The following TELO2 variants were observed in gnomAD, a reference collection of about 807,000 sequenced individuals.
TELO2 encodes the protein telomere maintenance 2.
A neutral mutation model predicts 91.0 loss-of-function variants in TELO2; 71 were observed. That is an observed-to-expected ratio of 0.78 (90% confidence interval 0.64 to 0.95). The LOEUF (loss-of-function observed/expected upper bound fraction) is 0.95. Ranked by LOEUF, TELO2 falls within the 40% of genes least tolerant of loss-of-function variation. The pLI is 0.00. For missense variants in TELO2, 1,183 were observed against 1,141.3 expected (o/e 1.04, Z -0.53); for synonymous variants, 584 against 518.9 (o/e 1.13, Z -1.71).
chr16:1,495,798 G>C (rs1005910892), intron 3 of TELO2, among the ~76,000 whole-genome samples, 175 bp downstream of exon 3: 1 of 152,242 alleles, frequency 6.6e-6, no homozygotes, highest in Non-Finnish European at 1.5e-5. Flanking sequence ...CATCCGCTGT[G>C]GGCTGAAGTC....
intron 15 of TELO2, among the ~76,000 whole-genome samples, chr16:1,503,244 C>A (rs1037033567): frequency 6.6e-6 from 1 of 152,162 alleles, no homozygotes; most frequent in East Asian, 1.9e-4. Context: ...TAAAATTCAC[C>A]GCTTTAGGGT....
rs956689558 is a variant in TELO2, at chr16:1,494,900, C to T, written c.335+284C>T. On this transcript the variant is annotated intron_variant, in intron 2 of 20. Transcript: ENST00000262319. This position sits in a 1 kb window ranked among gnomAD's most constrained non-coding sequence, Gnocchi z 5.6. ...CCAGGCGGCAGAGGCAGCCCGTCAG[C>T]TGGGGACGTTCCAGGTTTTCCAGGG... 1.3e-5 allele frequency among the ~76,000 whole-genome samples: 2 copies of T among 152,222 alleles called. No homozygotes were observed. The highest frequency in any genetic ancestry group is 2.4e-5 in the African/African-American group (1 of 41,462).
At chr16:1,506,191 G>T (rs762812176) in intron 16 of TELO2, 47 bp from the exon 17 acceptor site, 4 of 1,600,742 alleles carry the variant, frequency 2.5e-6, no homozygotes, top group Non-Finnish European at 1.7e-6. Flanking sequence ...TGCCGTGCCC[G>T]CTGCCCAAGC....
chr16:1,502,454 C>G (rs1596262588), intron 13 of TELO2, 50 bp downstream of exon 13: 1 of 1,551,228 alleles, frequency 6.4e-7, no homozygotes, highest in Non-Finnish European at 8.7e-7. Flanking sequence ...GTAGCTCCCT[C>G]AATGCCATCT....
At chr16:1,502,169 T>C (rs949543983) in intron 12 of TELO2, 34 bp downstream of exon 12, 1 of 1,610,630 alleles carries the variant, frequency 6.2e-7, no homozygotes, top group Non-Finnish European at 8.5e-7. Context: ...CTTGCTGGGC[T>C]GGGCATGGGT....
intron 2 of TELO2, 42 bp from the exon 3 acceptor site, chr16:1,495,304 G>A (rs2039438708): frequency 1.3e-6 from 2 of 1,500,966 alleles, no homozygotes; most frequent in South Asian, 1.3e-5. Flanking sequence ...GGGCCCCGAG[G>A]ATGGGGGTTG....
chr16:1,493,514 C>T lies in TELO2; in HGVS notation c.-128C>T, dbSNP rs950029950. ...CGGCTGGGCCGCGATCGCGTTTCGT[C>T]CGGGGCCGCGGCGGCCGTGGGGAAT... On this transcript the variant is annotated 5_prime_UTR_variant, in exon 1 of 21. Transcript: ENST00000262319. This position sits in a 1 kb window ranked among gnomAD's most constrained non-coding sequence, Gnocchi z 4.3. The T allele has an allele frequency of 2.0e-5, 3 of 152,264 alleles. No individual in the cohort carries two copies. The highest frequency in any genetic ancestry group is 7.2e-5 in the African/African-American group (3 of 41,464). 9.4% of individuals were successfully genotyped at this position (152,264 alleles called of 1,614,324 possible). A position where few individuals can be genotyped will look rare whatever the true frequency, so the allele number is the denominator to read the frequency against.
At chr16:1,507,863 T>C in intron 20 of TELO2, 147 bp downstream of exon 20, 1 of 287,308 alleles carries the variant, frequency 3.5e-6, no homozygotes, top group Non-Finnish European at 5.6e-6. Context: ...TGTGTGTGTG[T>C]GTGTGTGTGT....
chr16:1,505,712 G>C lies in TELO2; in HGVS notation c.2034+111G>C. 7.6e-7 allele frequency: 1 copy of C among 1,315,728 alleles called. No individual in the cohort carries two copies. The highest frequency in any genetic ancestry group is 1.0e-6 in the Non-Finnish European group (1 of 975,390). The allele number at this position is 1,315,728 out of a possible 1,614,324, so 81.5% of individuals were successfully genotyped here. A position where few individuals can be genotyped will look rare whatever the true frequency, so the allele number is the denominator to read the frequency against. ...CAGCGAGGGGCGGCCACATTCGCTG[G>C]GGATGGTGCCTTTGCCGGGATTCCT... is the stretch of plus-strand genomic sequence containing the variant. On this transcript the variant is annotated intron_variant, in intron 16 of 20. Coordinates refer to ENST00000262319, the MANE Select transcript of TELO2 (RefSeq NM_016111.4). This position sits in a 1 kb window ranked among gnomAD's most constrained non-coding sequence, Gnocchi z 4.3.
In TELO2 at chr16:1,497,320, G is replaced by A; in HGVS notation, c.683-41G>A. On this transcript the variant is annotated intron_variant, in intron 4 of 20. Coordinates refer to ENST00000262319, the MANE Select transcript of TELO2 (RefSeq NM_016111.4). The surrounding 1 kb of genome is among the most constrained non-coding windows in gnomAD (Gnocchi z 4.0). ...CCACACAGCCCCAGACACCAGGTGG[G>A]TGCAGCTCCCCAGGCTCAGGTCCTC... The A allele has an allele frequency of 6.6e-7, 1 of 1,515,280 alleles. No homozygotes were observed. The highest frequency in any genetic ancestry group is 1.3e-5 in the South Asian group (1 of 79,208). The allele number at this position is 1,515,280 out of a possible 1,614,324, so 93.9% of individuals were successfully genotyped here.
At chr16:1,503,141 C>T (rs759008574) in intron 15 of TELO2, 139 bp downstream of exon 15, 21 of 931,080 alleles carry the variant, frequency 2.3e-5, no homozygotes, top group African/African-American at 8.1e-5. Context: ...GTGTGTGACC[C>T]GGCAGGACTC....
In TELO2 at chr16:1,509,965, C is replaced by T. The variant is rs746982341; in HGVS notation, c.*29C>T. 22 of 1,552,298 alleles carry T rather than the reference C, an allele frequency of 1.4e-5. No homozygotes were observed. Among genetic ancestry groups the T allele is most frequent in the African/African-American group, 8.2e-5 (6 of 73,240 alleles). ...CTGGAGGCCTCCCCAGGACCACCCT[C>T]GCCGACAGCAAGGCAGGCGGCTGAG... On this transcript the variant is annotated 3_prime_UTR_variant, in exon 21 of 21. Coordinates refer to ENST00000262319, the MANE Select transcript of TELO2 (RefSeq NM_016111.4).
intron 17 of TELO2, chr16:1,506,697 G>T: frequency 2.9e-6 from 4 of 1,384,272 alleles, no homozygotes; most frequent in Non-Finnish European, 2.8e-6. Flanking sequence ...AGAAGTGTGG[G>T]GCCTGGGTTG....
chr16:1,501,898 G>A (rs2039700184), intron 11 of TELO2, 125 bp downstream of exon 11: 17 of 1,433,330 alleles, frequency 1.2e-5, no homozygotes, highest in Non-Finnish European at 1.5e-5. Context: ...TCGTCCTCAT[G>A]TGAGGGCCCG....
At chr16:1,501,924 C>G (rs1389133281) in intron 11 of TELO2, 123 bp from the exon 12 acceptor site, 10 of 1,476,348 alleles carry the variant, frequency 6.8e-6, no homozygotes, top group Non-Finnish European at 9.4e-6. Context: ...CCCAGCTCCA[C>G]CGTAGGCGCA....
chr16:1,503,411 TGTG>T (rs2039776506), intron 15 of TELO2, among the ~76,000 whole-genome samples: 2 of 151,940 alleles, frequency 1.3e-5, no homozygotes, highest in African/African-American at 2.4e-5. Context: ...ATTAGCCAAG[TGTG>T]GTGGTGGGCG....
In TELO2 at chr16:1,497,392, G is replaced by A. The variant is rs769686624; in HGVS notation, c.714G>A (p.Leu238=). The change falls in exon 5 of 21, where the codon CTG becomes CTA. Residue 238 remains leucine, a synonymous_variant. Coordinates refer to ENST00000262319, the MANE Select transcript of TELO2 (RefSeq NM_016111.4). The surrounding 1 kb of genome is among the most constrained non-coding windows in gnomAD (Gnocchi z 4.0). ...TCCTGGGCGTGCTGGTACCCCGGCT[G>A]GCAGCGCTCACCCAGGGCAGCTACC... ...QEILGVLVPR[L]AALTQGSYLH... The A allele has an allele frequency of 6.5e-7, 1 of 1,550,306 alleles. No homozygotes were observed. The highest frequency in any genetic ancestry group is 8.7e-7 in the Non-Finnish European group (1 of 1,147,200).
At chr16:1,503,651 G>A (rs1039778766) in intron 15 of TELO2, among the ~76,000 whole-genome samples, 12 of 152,288 alleles carry the variant, frequency 7.9e-5, no homozygotes, top group South Asian at 2.1e-4. Context: ...TCACTTAAGC[G>A]AGCCGTCCGG....
rs1260166257 is a variant in TELO2, at chr16:1,501,323, C to T, written c.1282-97C>T. The T allele has an allele frequency of 5.3e-5, 71 of 1,330,688 alleles. 2 individuals are homozygous for T. The highest frequency in any genetic ancestry group is 4.6e-4 in the South Asian group (36 of 78,128). The allele number at this position is 1,330,688 out of a possible 1,614,324, so 82.4% of individuals were successfully genotyped here. A position where few individuals can be genotyped will look rare whatever the true frequency, so the allele number is the denominator to read the frequency against. On this transcript the variant is annotated intron_variant, in intron 9 of 20. Transcript: ENST00000262319. ...CCAGCCACTGAGTGAGACCGGGCTG[C>T]GAGGGAGGCCACAGTGGGGAGTGGC...
Sources: allele counts gnomAD v4.1 joint callset (sites outside exome capture counted in the v4.1 genomes callset), GRCh38; gene constraint gnomAD v4.1.1; non-coding constraint Gnocchi (gnomAD v3.1); transcripts MANE v1.5; gene names NCBI Gene and HGNC (gene_info 2026-07-23, HGNC 2026-07-21).